The following TNNI3K variants were observed in gnomAD, a reference collection of about 807,000 sequenced individuals.
TNNI3K encodes serine/threonine-protein kinase TNNI3K.
Under a neutral mutation model 114.5 loss-of-function variants are expected in TNNI3K, and 140 were observed. The observed-to-expected ratio is 1.22, with a 90% CI of 1.07 to 1.41. TNNI3K has a LOEUF of 1.41. TNNI3K is among the 40% of genes most tolerant of loss of function. TNNI3K has a pLI of 0.00. For synonymous variants in TNNI3K, 347 were observed against 347.5 expected, an observed-to-expected ratio of 1.00 and a Z score of 0.02; for missense variants, 1,125 against 1,007.6, an observed-to-expected ratio of 1.12 and a Z score of -1.58.
chr1:74,372,716 A>G (rs1011595648), intron 17 of TNNI3K: 1 of 151,852 alleles, frequency 6.6e-6, no homozygotes, highest in Non-Finnish European at 1.5e-5. Flanking sequence ...ATAAGTAATC[A>G]TTGCAAGTTT....
At chr1:74,324,184 T>A (rs113526982) in intron 5 of TNNI3K, among the ~76,000 whole-genome samples, 1 of 152,228 alleles carries the variant, frequency 6.6e-6, no homozygotes. Flanking sequence ...TTGTGACCAG[T>A]TGCTTCTCTC....
intron 21 of TNNI3K, among the ~76,000 whole-genome samples, chr1:74,481,344 C>T (rs1306304452): frequency 6.6e-6 from 1 of 152,164 alleles, no homozygotes; most frequent in Non-Finnish European, 1.5e-5. Context: ...AGATCCAGGA[C>T]AGAATCAACT....
intron 5 of TNNI3K, among the ~76,000 whole-genome samples, chr1:74,304,635 G>A (rs1234900369): frequency 2.0e-5 from 3 of 151,892 alleles, no homozygotes; most frequent in African/African-American, 7.3e-5. Context: ...TATAGAAATG[G>A]GGTCTCACTA....
chr1:74,248,055 G>A (rs1570366678), intron 2 of TNNI3K, among the ~76,000 whole-genome samples: 2 of 152,122 alleles, frequency 1.3e-5, no homozygotes, highest in Admixed American at 6.5e-5. Flanking sequence ...CCTGCCCCAT[G>A]GGGAGGCAGC....
In TNNI3K at chr1:74,367,312, C is replaced by T. The variant is rs1439184260; in HGVS notation, c.1234C>T (p.Pro412Ser). ...KHYKRPQDEL[P>S]CNEYSQPGGD... Reference sequence around the variant, plus strand: ...TTATAAGAGACCACAAGATGAATTGCCCTGTAATGAATATTCTCAGCCTGG... The same window carrying T: ...TTATAAGAGACCACAAGATGAATTGTCCTGTAATGAATATTCTCAGCCTGG... Residue 412 changes from proline to serine, a missense_variant, in exon 12 of 25, where the codon CCC becomes TCC. Pro to Ser is a moderately conservative substitution (Grantham distance 74). Coordinates refer to ENST00000326637, the MANE Select transcript of TNNI3K (RefSeq NM_015978.3). 5.6e-6 allele frequency: 9 copies of T among 1,612,158 alleles called. No homozygotes were observed. Among genetic ancestry groups the T allele is most frequent in the Non-Finnish European group, 7.6e-6 (9 of 1,178,724 alleles).
chr1:74,273,908 C>T (rs928382873), intron 5 of TNNI3K, among the ~76,000 whole-genome samples: 2 of 151,852 alleles, frequency 1.3e-5, no homozygotes, highest in Non-Finnish European at 2.9e-5. Flanking sequence ...CCAAAACTAT[C>T]TAAAATAATT....
chr1:74,248,170 C>T (rs1484952184), intron 2 of TNNI3K, among the ~76,000 whole-genome samples: 1 of 152,094 alleles, frequency 6.6e-6, no homozygotes, highest in Non-Finnish European at 1.5e-5. Context: ...CTCTCACTGC[C>T]CAGGGCTGGT....
intron 21 of TNNI3K, chr1:74,469,080 A>G (rs1185550642): frequency 6.6e-6 from 1 of 152,352 alleles, no homozygotes; most frequent in African/African-American, 2.4e-5. Context: ...TTAGTTTTCA[A>G]AATCTTAAAT....
intron 4 of TNNI3K, among the ~76,000 whole-genome samples, 158 bp from the exon 5 acceptor site, chr1:74,271,440 T>C (rs1656340539): frequency 6.6e-6 from 1 of 152,084 alleles, no homozygotes. Context: ...CTGAGAACTA[T>C]TCTCTGGTAT....
intron 5 of TNNI3K, among the ~76,000 whole-genome samples, chr1:74,295,177 TA>T (rs35343625): frequency 0.99 from 150,442 of 151,876 alleles, 74,530 homozygotes; most frequent in Middle Eastern, 1. Flanking sequence ...AGTTACTAAT[TA>T]TTTTTTTACT....
chr1:74,369,763 G>T (rs1029285488), intron 16 of TNNI3K, 178 bp downstream of exon 16: 3 of 669,394 alleles, frequency 4.5e-6, no homozygotes, highest in Admixed American at 4.0e-5. Context: ...TCAATGAATA[G>T]AAATACTTTA....
Position 74,343,139 on chromosome 1 carries a change from C to G in TNNI3K, c.892C>G (p.Leu298Val). ...CATCCAAATATCAGGAACAGAAAGTCTGACTAAGGAAAACATCTTCAGTGA... is the reference window on the plus strand; with the variant it reads ...CATCCAAATATCAGGAACAGAAAGTGTGACTAAGGAAAACATCTTCAGTGA... ...EIIQISGTES[L>V]TKENIFSETA... Residue 298 changes from leucine (L) to valine (V), a missense_variant, in exon 9 of 25, where the codon CTG becomes GTG. Physicochemically the swap from Leu to Val is conservative, Grantham distance 32. Coordinates refer to ENST00000326637, the MANE Select transcript of TNNI3K (RefSeq NM_015978.3). 1 of 1,613,262 alleles carries G rather than the reference C, an allele frequency of 6.2e-7. No individual in the cohort carries two copies. Among genetic ancestry groups the G allele is most frequent in the South Asian group, 1.1e-5 (1 of 91,020 alleles).
At chr1:74,351,211 C>G (rs1316711554) in intron 9 of TNNI3K, among the ~76,000 whole-genome samples, 1 of 151,892 alleles carries the variant, frequency 6.6e-6, no homozygotes, top group Non-Finnish European at 1.5e-5. Context: ...TATTTTATTT[C>G]TCCTTCACTT....
intron 5 of TNNI3K, among the ~76,000 whole-genome samples, chr1:74,272,449 A>C (rs1656410204): frequency 6.6e-6 from 1 of 151,958 alleles, no homozygotes; most frequent in South Asian, 2.1e-4. Context: ...AAAGAGATTT[A>C]AATATATTGA....
At chr1:74,342,540 A>T (rs948201676) in intron 7 of TNNI3K, among the ~76,000 whole-genome samples, 1 of 152,144 alleles carries the variant, frequency 6.6e-6, no homozygotes, top group Non-Finnish European at 1.5e-5. Context: ...AAATAAGGCC[A>T]CGTGTACCTT....
At chr1:74,309,730 C>T (rs1658873540) in intron 5 of TNNI3K, among the ~76,000 whole-genome samples, 2 of 152,104 alleles carry the variant, frequency 1.3e-5, no homozygotes, top group Non-Finnish European at 2.9e-5. Flanking sequence ...TCAATAGACA[C>T]AGAAAAGGCA....
At chr1:74,451,703 C>CT (rs1188086184) in intron 20 of TNNI3K, among the ~76,000 whole-genome samples, 866 of 29,914 alleles carry the variant, frequency 0.029, 6 homozygotes, top group African/African-American at 0.056. Context: ...TTCTTTCTTT[C>CT]TTTCTTTCTT....
At position 74,475,648 on chromosome 1, in the gene TNNI3K, C is replaced by A. The variant is rs774376377; in HGVS notation, c.2121+12098C>A. The A allele has an allele frequency of 4.2e-6, 3 of 717,058 alleles. 1 individual carries two copies. In the South Asian group the frequency reaches 4.4e-5, roughly 11 times the overall value. 44.4% of individuals were successfully genotyped at this position (717,058 alleles called of 1,614,324 possible). A position where few individuals can be genotyped will look rare whatever the true frequency, so the allele number is the denominator to read the frequency against. On this transcript the variant is annotated intron_variant, in intron 21 of 24. Coordinates refer to ENST00000326637, the MANE Select transcript of TNNI3K (RefSeq NM_015978.3). ...TATCTCGTTTTCCTGAGTTAAGTGG[C>A]AGTTGCAGTATCCCTTAGTGTGGTA...
intron 9 of TNNI3K, among the ~76,000 whole-genome samples, chr1:74,344,107 A>G (rs1317323256): frequency 4.6e-5 from 7 of 152,106 alleles, no homozygotes; most frequent in Admixed American, 3.9e-4. Flanking sequence ...GATTCTCTTT[A>G]TTTCTTACCA....
Sources: allele counts gnomAD v4.1 joint callset (sites outside exome capture counted in the v4.1 genomes callset), GRCh38; gene constraint gnomAD v4.1.1; transcripts MANE v1.5; gene names NCBI Gene and HGNC (gene_info 2026-07-23, HGNC 2026-07-21).